Variants in WIPF1 observed in about 807,000 individuals in gnomAD.
WIPF1 encodes WAS/WASL-interacting protein family member 1.
In WIPF1, 13 loss-of-function variants were observed where a neutral mutation model predicts 35.4. That is an observed-to-expected ratio of 0.37 (90% CI 0.24 to 0.58). The LOEUF is 0.58. Ranked by LOEUF, WIPF1 falls within the 20% of genes least tolerant of loss-of-function variation. The pLI, the probability that WIPF1 is intolerant of heterozygous loss-of-function variation, is 0.74. For synonymous variants in WIPF1, 267 were observed against 266.3 expected, an observed-to-expected ratio of 1.00 and a Z score of -0.02; for missense variants, 591 against 667.0, an observed-to-expected ratio of 0.89 and a Z score of 1.25.
intron 2 of WIPF1, among the ~76,000 whole-genome samples, chr2:174,583,280 GA>G (rs1685296782): frequency 6.6e-6 from 1 of 152,220 alleles, no homozygotes; most frequent in South Asian, 2.1e-4. Flanking sequence ...TCCTGGAAAA[GA>G]GCTCTTAACA....
At chr2:174,574,857 A>C (rs1043578903) in intron 4 of WIPF1, 5 of 716,962 alleles carry the variant, frequency 7.0e-6, no homozygotes, top group Non-Finnish European at 1.3e-5. Context: ...TCACAAAGAA[A>C]GCTGAATCTG....
At chr2:174,567,011 C>G (rs77338811) in intron 7 of WIPF1, 59 bp downstream of exon 7, 2 of 1,511,050 alleles carry the variant, frequency 1.3e-6, no homozygotes, top group African/African-American at 2.7e-5. Context: ...CTATATAGCC[C>G]GAGTGTCACT....
chr2:174,586,224 AG>A (rs1685418860), intron 1 of WIPF1, among the ~76,000 whole-genome samples: 1 of 152,090 alleles, frequency 6.6e-6, no homozygotes, highest in African/African-American at 2.4e-5. Context: ...TTATGTTTGG[AG>A]CACTCAAAGA....
intron 1 of WIPF1, among the ~76,000 whole-genome samples, chr2:174,675,661 C>A (rs1258705787): frequency 6.6e-6 from 1 of 151,912 alleles, no homozygotes; most frequent in Non-Finnish European, 1.5e-5. Context: ...GTCAACAGTA[C>A]AATATAATTT....
At chr2:174,667,751 G>C (rs1239893750) in intron 1 of WIPF1, among the ~76,000 whole-genome samples, 1 of 152,182 alleles carries the variant, frequency 6.6e-6, no homozygotes, top group Non-Finnish European at 1.5e-5. Context: ...CGGCCTCCAG[G>C]CTGAGGCTAG....
At chr2:174,585,019 G>T (rs1363632089) in intron 2 of WIPF1, among the ~76,000 whole-genome samples, 1 of 152,204 alleles carries the variant, frequency 6.6e-6, no homozygotes, top group Non-Finnish European at 1.5e-5. Flanking sequence ...GTATGGCAGA[G>T]GTGGTGGAGG....
At chr2:174,628,787 A>C (rs562302849) in intron 1 of WIPF1, among the ~76,000 whole-genome samples, 1 of 152,358 alleles carries the variant, frequency 6.6e-6, no homozygotes, top group Non-Finnish European at 1.5e-5. Flanking sequence ...CTTTGACCAT[A>C]GACAAATCAC....
intron 1 of WIPF1, among the ~76,000 whole-genome samples, chr2:174,630,947 C>T (rs1687001484): frequency 6.6e-6 from 1 of 152,156 alleles, no homozygotes; most frequent in Non-Finnish European, 1.5e-5. Flanking sequence ...AGAAGCAAGA[C>T]ATGAACATTT....
chr2:174,601,936 C>T (rs1396801803), upstream of WIPF1, among the ~76,000 whole-genome samples: 2 of 152,184 alleles, frequency 1.3e-5, no homozygotes, highest in Non-Finnish European at 2.9e-5. Context: ...ATACCACCTA[C>T]CTCCTTTCTG....
intron 3 of WIPF1, among the ~76,000 whole-genome samples, chr2:174,580,048 T>G (rs1348679899): frequency 6.6e-6 from 1 of 152,136 alleles, no homozygotes; most frequent in Non-Finnish European, 1.5e-5. Context: ...CCTCCTTGGT[T>G]CAAGTGATTC....
Position 174,567,903 on chromosome 2 carries a change from A to G in WIPF1, c.1300T>C (p.Ser434Pro). The G allele has an allele frequency of 6.2e-7, 1 of 1,610,842 alleles. No homozygotes were observed. Among genetic ancestry groups the G allele is most frequent in the Non-Finnish European group, 8.5e-7 (1 of 1,178,328 alleles). Reference sequence around the variant, plus strand: ...TGGAAGCCATTTCTAATAGATGTTGATGGTGGAGGTGGGGGAGGTGCCCCA... The same window carrying G: ...TGGAAGCCATTTCTAATAGATGTTGGTGGTGGAGGTGGGGGAGGTGCCCCA... ...SAGAPPPPPP[S>P]TSIRNGFQDS... is the part of the protein sequence containing the mutation. Residue 434 changes from serine to proline, a missense_variant, in exon 6 of 8, where the codon TCA becomes CCA. Physicochemically the swap from Ser to Pro is moderately conservative, Grantham distance 74 (BLOSUM62 -1). Transcript: ENST00000679041.
intron 1 of WIPF1, among the ~76,000 whole-genome samples, chr2:174,654,107 C>G (rs534007050): frequency 1.3e-4 from 20 of 152,308 alleles, no homozygotes; most frequent in South Asian, 8.3e-4. Context: ...ATGACAGAGG[C>G]AGTTTTTAAT....
chr2:174,669,603 T>C (rs1393844182), intron 1 of WIPF1, among the ~76,000 whole-genome samples: 1 of 152,212 alleles, frequency 6.6e-6, no homozygotes, highest in Non-Finnish European at 1.5e-5. Context: ...CTGTCAGAGC[T>C]GGGCGCCGTG....
intron 1 of WIPF1, among the ~76,000 whole-genome samples, chr2:174,623,712 G>A (rs1490166646): frequency 2.0e-5 from 3 of 152,172 alleles, no homozygotes; most frequent in Non-Finnish European, 2.9e-5. Flanking sequence ...ATCACCAATA[G>A]AGCTCATAGA....
At chr2:174,591,715 A>T (rs960236940) in intron 1 of WIPF1, among the ~76,000 whole-genome samples, 1 of 143,656 alleles carries the variant, frequency 7.0e-6, no homozygotes, top group Admixed American at 6.9e-5. Flanking sequence ...CCACCCCAAC[A>T]TTTAGAAATT....
intron 1 of WIPF1, among the ~76,000 whole-genome samples, chr2:174,607,745 G>A (rs1686217522): frequency 6.6e-6 from 1 of 152,074 alleles, no homozygotes; most frequent in African/African-American, 2.4e-5. Context: ...ATGTTCTGCA[G>A]TATTTGTGCC....
At chr2:174,662,067 T>C (rs1687772019) in intron 1 of WIPF1, among the ~76,000 whole-genome samples, 1 of 152,146 alleles carries the variant, frequency 6.6e-6, no homozygotes, top group Non-Finnish European at 1.5e-5. Flanking sequence ...ATATGTGGGG[T>C]TGGTTCCAGG....
At chr2:174,589,824 CTTG>C (rs1432235481) in intron 1 of WIPF1, among the ~76,000 whole-genome samples, 1 of 152,206 alleles carries the variant, frequency 6.6e-6, no homozygotes, top group African/African-American at 2.4e-5. Flanking sequence ...ATTGCTAGAT[CTTG>C]TTGTTTAAAC....
At chr2:174,631,506 T>C (rs1004073049) in intron 1 of WIPF1, among the ~76,000 whole-genome samples, 1 of 152,132 alleles carries the variant, frequency 6.6e-6, no homozygotes, top group African/African-American at 2.4e-5. Flanking sequence ...AAGTTTCAGT[T>C]TTGCAAAATA....
Sources: gnomAD v4.1 joint callset for allele counts (sites outside exome capture counted in the v4.1 genomes callset) on GRCh38, gnomAD v4.1.1 for gene constraint, MANE v1.5 for transcripts, NCBI Gene and HGNC (gene_info 2026-07-23, HGNC 2026-07-21) for gene names.